Variants in TSG101 observed in about 807,000 individuals in gnomAD.
The protein encoded by TSG101 is tumor susceptibility gene 101 protein.
In TSG101, 19 loss-of-function variants were observed where a neutral mutation model predicts 48.5. That is an observed-to-expected ratio of 0.39 (90% CI 0.27 to 0.58). The LOEUF (loss-of-function observed/expected upper bound fraction) is 0.58, where lower values mean the gene tolerates loss of function less well. Ranked by LOEUF, TSG101 falls within the 20% of genes least tolerant of loss-of-function variation. The pLI is 0.55. For missense variants in TSG101, 365 were observed against 484.4 expected (o/e 0.75, Z 2.31); for synonymous variants, 174 against 169.4 (o/e 1.03, Z -0.21).
chr11:18,505,193 A>T (rs540024211), intron 6 of TSG101, among the ~76,000 whole-genome samples: 13 of 152,138 alleles, frequency 8.5e-5, no homozygotes, highest in Non-Finnish European at 1.2e-4. Context: ...GACTTAGTAG[A>T]GTTAAATTTT....
At chr11:18,520,759 G>T (rs1231887427) in intron 1 of TSG101, among the ~76,000 whole-genome samples, 1 of 152,160 alleles carries the variant, frequency 6.6e-6, no homozygotes, top group Admixed American at 6.5e-5. Flanking sequence ...CCGGCCAGGC[G>T]TGGTGGCTTA....
At chr11:18,489,009 G>A (rs1448330761) in intron 7 of TSG101, among the ~76,000 whole-genome samples, 5 of 151,904 alleles carry the variant, frequency 3.3e-5, no homozygotes, top group Admixed American at 6.6e-5. Context: ...CAGCTACTTG[G>A]GAGGCTGAGA....
chr11:18,505,391 G>A (rs1246438076), intron 6 of TSG101, among the ~76,000 whole-genome samples: 1 of 152,022 alleles, frequency 6.6e-6, no homozygotes, highest in Non-Finnish European at 1.5e-5. Context: ...AAGTAGCTGG[G>A]ACTACAGGTT....
In TSG101 at chr11:18,484,005, G is replaced by A. The variant is rs2279901; in HGVS notation, c.708C>T (p.Asp236=). The change falls in exon 8 of 10, where the codon GAC becomes GAT. Residue 236 remains aspartate, a synonymous_variant. Coordinates refer to ENST00000251968, the MANE Select transcript of TSG101 (RefSeq NM_006292.4). ...IRASLISAVS[D]KLRWRMKEEM... is the part of the protein sequence containing the mutation. ...CCTCCTTCATCCGCCATCTCAGTTT[G>A]TCACTGACCGCAGAGATGAGAGAGG... The A allele has an allele frequency of 0.023, 36,996 of 1,614,110 alleles. 2,619 individuals carry two copies. The highest frequency in any genetic ancestry group is 0.18 in the East Asian group (8,054 of 44,874).
Position 18,491,843 on chromosome 11 carries a change from T to C in TSG101, c.641-7771A>G, listed in dbSNP as rs553191932. ...AGTCGGTCTACTTCAAATGAGGCCA[T>C]ATAAAAAGGCAACACATCTTTCCAC... is the stretch of plus-strand genomic sequence containing the variant. On this transcript the variant is annotated intron_variant, in intron 7 of 9. Transcript: ENST00000251968. Among the ~76,000 whole-genome samples, 13 of 152,310 alleles carry C rather than the reference T, an allele frequency of 8.5e-5. No homozygotes were observed. In the South Asian group the frequency reaches 2.5e-3, roughly 29 times the overall value.
chr11:18,504,200 C>CAAAA (rs933198352), intron 6 of TSG101, among the ~76,000 whole-genome samples: 3 of 43,324 alleles, frequency 6.9e-5, no homozygotes, highest in East Asian at 7.1e-4. Context: ...GCCCCCATCT[C>CAAAA]AAAAAAAAAA....
chr11:18,497,606 G>T (rs1472143901), intron 7 of TSG101, among the ~76,000 whole-genome samples: 3 of 152,136 alleles, frequency 2.0e-5, no homozygotes, highest in Non-Finnish European at 4.4e-5. Context: ...AAAGATCTTT[G>T]TAAACTAAGG....
intron 2 of TSG101, 58 bp from the exon 3 acceptor site, chr11:18,516,222 T>G: frequency 6.8e-7 from 1 of 1,476,850 alleles, no homozygotes; most frequent in South Asian, 1.2e-5. Flanking sequence ...TCCCATAAGT[T>G]ATTCTTTCAG....
In TSG101 at chr11:18,514,788, T is replaced by A; in HGVS notation, c.247A>T (p.Asn83Tyr). 2 of 1,597,206 alleles carry A rather than the reference T, an allele frequency of 1.3e-6. No individual in the cohort carries two copies. Among genetic ancestry groups the A allele is most frequent in the Non-Finnish European group, 1.7e-6 (2 of 1,174,506 alleles). Residue 83 changes from asparagine to tyrosine, a missense_variant, in exon 4 of 10, where the codon AAT becomes TAT. Physicochemically the swap from Asn to Tyr is moderately radical, Grantham distance 143 (BLOSUM62 -2). Transcript: ENST00000251968. The stretch of plus-strand genomic sequence containing the variant: ...GGCTTAACAAAACAGATAGGGGGAT[T>A]ATATGGGTATGTGTCCAGTAGCCAT... ...CLWLLDTYPY[N>Y]PPICFVKPTS...
chr11:18,516,449 A>G (rs1450578461), intron 2 of TSG101, among the ~76,000 whole-genome samples: 3 of 151,394 alleles, frequency 2.0e-5, no homozygotes, highest in Non-Finnish European at 4.4e-5. Context: ...GGTTCAAGCG[A>G]TTCTCCTGCC....
chr11:18,491,515 G>C (rs1204048033), intron 7 of TSG101, among the ~76,000 whole-genome samples: 2 of 152,188 alleles, frequency 1.3e-5, no homozygotes, highest in Non-Finnish European at 2.9e-5. Context: ...GACTCCACTG[G>C]GAGAAGACAA....
At chr11:18,511,859 C>T in intron 4 of TSG101, among the ~76,000 whole-genome samples, 1 of 152,100 alleles carries the variant, frequency 6.6e-6, no homozygotes, top group East Asian at 1.9e-4. Context: ...GATTTGCTTT[C>T]CTAAATGTTT....
chr11:18,484,756 G>T lies in TSG101; in HGVS notation c.641-684C>A, dbSNP rs886623319. Among the ~76,000 whole-genome samples the T allele has an allele frequency of 2.6e-5, 4 of 152,058 alleles. No homozygotes were observed. The East Asian group carries it at 7.7e-4, about 29-fold the overall frequency. On this transcript the variant is annotated intron_variant, in intron 7 of 9. Coordinates refer to ENST00000251968, the MANE Select transcript of TSG101 (RefSeq NM_006292.4). The stretch of plus-strand genomic sequence containing the variant: ...TTTCAGATCAAATAAACATCCTCTG[G>T]ATATTTTCTTCAAAAAGGTCCCCTT...
chr11:18,487,782 A>C (rs1849641827), intron 7 of TSG101, among the ~76,000 whole-genome samples: 1 of 152,230 alleles, frequency 6.6e-6, no homozygotes, highest in Admixed American at 6.5e-5. Flanking sequence ...CTCATGCTTC[A>C]GTGAGCATAC....
chr11:18,489,650 G>C lies in TSG101; in HGVS notation c.641-5578C>G, dbSNP rs16914838. Among the ~76,000 whole-genome samples the C allele has an allele frequency of 3.3e-5, 5 of 152,130 alleles. No individual in the cohort carries two copies. In the South Asian group the frequency reaches 8.3e-4, roughly 25 times the overall value. ...ACAAAGAATTTAAATTTCAGGATTC[G>C]AGTTTCTTCAGAGGAAGACACTGTG... On this transcript the variant is annotated intron_variant, in intron 7 of 9. Coordinates refer to ENST00000251968, the MANE Select transcript of TSG101 (RefSeq NM_006292.4).
At position 18,516,181 on chromosome 11, in the gene TSG101, A is replaced by G; in HGVS notation, c.128-17T>C. ...CGTTAAAAACTGAAAGGAAAGAACAATGATTTAATCATGAGCATTTTTTAA... is the reference window on the plus strand; with the variant it reads ...CGTTAAAAACTGAAAGGAAAGAACAGTGATTTAATCATGAGCATTTTTTAA... On this transcript the variant is annotated splice_polypyrimidine_tract_variant and intron_variant, in intron 2 of 9. Coordinates refer to ENST00000251968, the MANE Select transcript of TSG101 (RefSeq NM_006292.4). 6.2e-7 allele frequency: 1 copy of G among 1,611,208 alleles called. No individual in the cohort carries two copies. The highest frequency in any genetic ancestry group is 8.5e-7 in the Non-Finnish European group (1 of 1,177,864).
At position 18,483,901 on chromosome 11, in the gene TSG101, T is replaced by C; in HGVS notation, c.812A>G (p.Glu271Gly). 7 of 1,614,204 alleles carry C rather than the reference T, an allele frequency of 4.3e-6. No individual in the cohort carries two copies. Among genetic ancestry groups the C allele is most frequent in the Non-Finnish European group, 5.1e-6 (6 of 1,180,038 alleles). The stretch of plus-strand genomic sequence containing the variant: ...TTGATCTAAACGGGTAACCATCTCT[T>C]CCAGTTTCTGGTGACCCTTTTTCAG... ...EDLKKGHQKL[E>G]EMVTRLDQEV... The change falls in exon 8 of 10, where the codon GAA (glutamate) becomes GGA (glycine). Residue 271 changes from glutamate to glycine, a missense_variant. Coordinates refer to ENST00000251968, the MANE Select transcript of TSG101 (RefSeq NM_006292.4).
intron 7 of TSG101, among the ~76,000 whole-genome samples, chr11:18,486,571 C>T (rs1008746426): frequency 6.6e-6 from 1 of 151,978 alleles, no homozygotes; most frequent in African/African-American, 2.4e-5. Flanking sequence ...CAATGAGATA[C>T]CATCTCACAC....
chr11:18,501,229 C>A (rs1241972788), intron 7 of TSG101, among the ~76,000 whole-genome samples: 1 of 152,156 alleles, frequency 6.6e-6, no homozygotes, highest in African/African-American at 2.4e-5. Context: ...ATGTATTCTT[C>A]TAGTAGTTTT....
Sources: allele counts gnomAD v4.1 joint callset (sites outside exome capture counted in the v4.1 genomes callset), GRCh38; gene constraint gnomAD v4.1.1; transcripts MANE v1.5; gene names NCBI Gene and HGNC (gene_info 2026-07-23, HGNC 2026-07-21).